Variants in SV2C observed in about 807,000 individuals in gnomAD.
SV2C encodes the protein solute carrier family 22 member B3.
A neutral mutation model predicts 79.7 loss-of-function variants in SV2C; 49 were observed. That is an observed-to-expected ratio of 0.61 (90% CI 0.49 to 0.78). The LOEUF is 0.78. Among genes scored for constraint, SV2C ranks in the 30% least tolerant of loss-of-function variants. SV2C has a pLI of 0.00. For synonymous variants in SV2C, 334 were observed against 333.2 expected (o/e 1.00, Z -0.03); for missense variants, 833 against 912.9 (o/e 0.91, Z 1.13).
chr5:76,053,442 G>C, the SV2C span, among the ~76,000 whole-genome samples: 7 of 152,150 alleles, frequency 4.6e-5, no homozygotes, highest in African/African-American at 1.7e-4. Context: ...TCTAGTCGTG[G>C]ACTGGGAGAA....
At chr5:76,062,039 G>T in the SV2C span, among the ~76,000 whole-genome samples, 1 of 151,800 alleles carries the variant, frequency 6.6e-6, no homozygotes, top group Non-Finnish European at 1.5e-5. Context: ...TTTATCCCTG[G>T]GTATAGTAGC....
chr5:75,969,622 A>G, the SV2C span, among the ~76,000 whole-genome samples: 1 of 152,212 alleles, frequency 6.6e-6, no homozygotes, highest in Non-Finnish European at 1.5e-5. Flanking sequence ...AGAAGAACTA[A>G]CTATCCTAAA....
intron 2 of SV2C, chr5:76,174,120 G>GT: frequency 6.2e-7 from 1 of 1,601,470 alleles, no homozygotes; most frequent in South Asian, 1.1e-5. Flanking sequence ...TGAACAAATT[G>GT]TACAGTCAAA....
chr5:75,931,761 T>A, the SV2C span, among the ~76,000 whole-genome samples: 1 of 152,220 alleles, frequency 6.6e-6, no homozygotes, highest in Non-Finnish European at 1.5e-5. Context: ...ATTGGGTTCT[T>A]TTGCATAGCC....
the SV2C span, among the ~76,000 whole-genome samples, chr5:76,008,461 C>T: frequency 2.6e-5 from 4 of 151,950 alleles, no homozygotes; most frequent in Non-Finnish European, 5.9e-5. Context: ...CCATTTTTTC[C>T]TCGCAACGAG....
intron 4 of SV2C, among the ~76,000 whole-genome samples, chr5:76,279,661 TG>T (rs974345988): frequency 2.0e-5 from 3 of 152,114 alleles, no homozygotes; most frequent in Non-Finnish European, 4.4e-5. Context: ...GTGAGAATAC[TG>T]GGGGAGAAAG....
the SV2C span, among the ~76,000 whole-genome samples, chr5:75,874,772 CCAAGAGCCAAAT>C: frequency 6.6e-6 from 1 of 152,008 alleles, no homozygotes; most frequent in Non-Finnish European, 1.5e-5. Context: ...AACAGCCAAA[CCAAGAGCCAAAT>C]CAGAAAGGCA....
intron 4 of SV2C, among the ~76,000 whole-genome samples, chr5:76,277,165 C>A (rs935115936): frequency 6.6e-6 from 1 of 152,190 alleles, no homozygotes; most frequent in Non-Finnish European, 1.5e-5. Flanking sequence ...TTCAAAATGG[C>A]ACAACCAGTG....
chr5:76,253,584 C>T (rs1170081484), intron 4 of SV2C, among the ~76,000 whole-genome samples: 1 of 151,946 alleles, frequency 6.6e-6, no homozygotes, highest in East Asian at 1.9e-4. Flanking sequence ...AATGGTTTCT[C>T]AGAATTCTCT....
At chr5:76,087,517 G>A (rs1747238583) in intron 1 of SV2C, among the ~76,000 whole-genome samples, 1 of 152,150 alleles carries the variant, frequency 6.6e-6, no homozygotes, top group South Asian at 2.1e-4. Flanking sequence ...AAATAGACCA[G>A]CGATTCTCAA....
intron 1 of SV2C, among the ~76,000 whole-genome samples, chr5:76,131,108 A>T (rs1748873690): frequency 1.3e-5 from 2 of 152,166 alleles, no homozygotes. Context: ...TTGGAAGGAA[A>T]CACAATGTTA....
chr5:76,323,536 G>C lies in SV2C; in HGVS notation c.2001-1828G>C, dbSNP rs566752627. ...TTTGACCCAGCAATCCCATTACTGG[G>C]TATGTACCCAAAGGAATATAAATCA... On this transcript the variant is annotated intron_variant, in intron 12 of 12. Coordinates refer to ENST00000502798, the MANE Select transcript of SV2C (RefSeq NM_014979.4). 1.6e-4 allele frequency among the ~76,000 whole-genome samples: 25 copies of C among 152,316 alleles called. No individual in the cohort carries two copies. In the South Asian group the frequency reaches 5.2e-3, roughly 32 times the overall value.
chr5:76,032,667 T>C, the SV2C span, among the ~76,000 whole-genome samples: 1 of 152,230 alleles, frequency 6.6e-6, no homozygotes, highest in Non-Finnish European at 1.5e-5. Context: ...TCTGGGTTGG[T>C]TCCAAGTCTT....
intron 4 of SV2C, among the ~76,000 whole-genome samples, chr5:76,284,428 T>C (rs1455732833): frequency 6.6e-6 from 1 of 152,110 alleles, no homozygotes; most frequent in Admixed American, 6.5e-5. Flanking sequence ...AGGAAGCTAG[T>C]GACACCCTCA....
At chr5:76,353,063 C>T (rs1749672184) in intron 12 of SV2C, 1 of 451,484 alleles carries the variant, frequency 2.2e-6, no homozygotes, top group South Asian at 1.6e-5. Context: ...GCCTCTGCCA[C>T]CCCAGAAGCT....
At chr5:76,048,862 TGA>T in the SV2C span, among the ~76,000 whole-genome samples, 21 of 65,794 alleles carry the variant, frequency 3.2e-4, no homozygotes, top group Admixed American at 4.0e-4. Context: ...AGGAAGGGGG[TGA>T]GAGAGAGAGA....
chr5:75,901,774 A>C, the SV2C span, among the ~76,000 whole-genome samples: 1 of 152,188 alleles, frequency 6.6e-6, no homozygotes, highest in Non-Finnish European at 1.5e-5. Flanking sequence ...TTGTTTACCT[A>C]AGCAAGCCTG....
the SV2C span, among the ~76,000 whole-genome samples, chr5:76,032,679 G>A: frequency 6.6e-6 from 1 of 152,146 alleles, no homozygotes; most frequent in African/African-American, 2.4e-5. Context: ...CCAAGTCTTT[G>A]CTATTGTGAA....
the SV2C span, among the ~76,000 whole-genome samples, chr5:75,849,076 A>C: frequency 6.6e-6 from 1 of 152,008 alleles, no homozygotes; most frequent in Non-Finnish European, 1.5e-5. Context: ...CCCCGTATGC[A>C]TGAAAGAAGT....
Sources: gnomAD v4.1 joint callset for allele counts (sites outside exome capture counted in the v4.1 genomes callset) on GRCh38, gnomAD v4.1.1 for gene constraint, MANE v1.5 for transcripts, NCBI Gene and HGNC (gene_info 2026-07-23, HGNC 2026-07-21) for gene names.